The following DNAH6 variants were observed in gnomAD, a reference collection of about 807,000 sequenced individuals.
DNAH6 encodes axonemal beta dynein heavy chain 6.
Under a neutral mutation model 491.4 loss-of-function variants are expected in DNAH6, and 340 were observed. That is an observed-to-expected ratio of 0.69 (90% CI 0.63 to 0.76). The LOEUF is 0.76. DNAH6 is among the 30% of genes least tolerant of loss of function. The pLI, the probability that DNAH6 is intolerant of heterozygous loss-of-function variation, is 0.00. For synonymous variants in DNAH6, 1,603 were observed against 1,686.1 expected (o/e 0.95, Z 1.21); for missense variants, 4,443 against 4,972.2 (o/e 0.89, Z 3.20).
chr2:84,551,506 T>G (rs763743668), intron 9 of DNAH6, among the ~76,000 whole-genome samples: 6 of 152,240 alleles, frequency 3.9e-5, no homozygotes, highest in Non-Finnish European at 8.8e-5. Context: ...CCATGTGATA[T>G]TCTCACAAAG....
At position 84,762,792 on chromosome 2, in the gene DNAH6, T is replaced by A; in HGVS notation, c.10550T>A (p.Leu3517His). Residue 3517 changes from leucine to histidine, a missense_variant, in exon 64 of 77, where the codon CTT becomes CAT. Physicochemically the swap from Leu to His is moderately conservative, Grantham distance 99 (BLOSUM62 -3). Transcript: ENST00000389394. ...CTTACAGACTTTGTGATAGAAAATC[T>A]TGGAAAACAGTTTATAGAGACACCA... ...FALTDFVIEN[L>H]GKQFIETPPV... 6.4e-7 allele frequency: 1 copy of A among 1,550,984 alleles called. No homozygotes were observed. The highest frequency in any genetic ancestry group is 8.7e-7 in the Non-Finnish European group (1 of 1,146,686).
intron 21 of DNAH6, 74 bp from the exon 22 acceptor site, chr2:84,611,600 T>G (rs1686340749): frequency 1.6e-6 from 2 of 1,274,518 alleles, no homozygotes; most frequent in African/African-American, 3.0e-5. Flanking sequence ...ATTCCCTGTG[T>G]CATGATTTTT....
chr2:84,621,467 G>T lies in DNAH6; in HGVS notation c.3987G>T (p.Trp1329Cys). The change falls in exon 26 of 77, where the codon TGG becomes TGT. Residue 1329 changes from tryptophan to cysteine, a missense_variant. This residue lies in a region of DNAH6 where 2,977 missense variants were observed against 3,296.6 expected (regional missense o/e 0.90). Transcript: ENST00000389394. The part of the protein sequence containing the change: ...QVILTVSQIM[W>C]CRDLTECLET... ...TCCTGACTGTTTCTCAAATTATGTG[G>T]TGCCGTGATTTGACTGAATGTCTGG... 6.5e-7 allele frequency: 1 copy of T among 1,539,556 alleles called. No homozygotes were observed. Among genetic ancestry groups the T allele is most frequent in the East Asian group, 2.5e-5 (1 of 40,526 alleles).
At chr2:84,595,901 C>T (rs1391796917) in intron 18 of DNAH6, 112 bp downstream of exon 18, 3 of 1,148,100 alleles carry the variant, frequency 2.6e-6, no homozygotes, top group Non-Finnish European at 3.5e-6. Flanking sequence ...GCTTTGCAGA[C>T]AGAAAAAACA....
rs139411126 is a variant in DNAH6 at position 84,683,518 on chromosome 2, G to A, written c.6917-1808G>A. The stretch of plus-strand genomic sequence containing the variant: ...GCTCACTGCAACCTCCGCCTCCTGG[G>A]TTCAAGCGATTCTGTAGCCTCAGCC... On this transcript the variant is annotated intron_variant, in intron 42 of 76. Coordinates refer to ENST00000389394, the MANE Select transcript of DNAH6 (RefSeq NM_001370.2). 4.0e-3 allele frequency among the ~76,000 whole-genome samples: 602 copies of A among 148,932 alleles called. 3 individuals are homozygous for A. The highest frequency in any genetic ancestry group is 0.014 in the Middle Eastern group (4 of 280).
At chr2:84,556,478 C>T (rs1045753670) in intron 10 of DNAH6, among the ~76,000 whole-genome samples, 11 of 152,194 alleles carry the variant, frequency 7.2e-5, no homozygotes, top group African/African-American at 2.4e-4. Context: ...CTGATATACT[C>T]GACAAGCTCC....
chr2:84,624,436 A>G, intron 27 of DNAH6, 29 bp from the exon 28 acceptor site: 2 of 1,549,166 alleles, frequency 1.3e-6, no homozygotes, highest in African/African-American at 1.4e-5. Context: ...TTCTGAAATT[A>G]GTGTATCTAA....
At chr2:84,540,299 A>G (rs1678120293) in intron 4 of DNAH6, among the ~76,000 whole-genome samples, 1 of 152,166 alleles carries the variant, frequency 6.6e-6, no homozygotes, top group East Asian at 1.9e-4. Context: ...TGAAACAGGA[A>G]GAGAGTGCCA....
chr2:84,796,922 A>T (rs779295840), intron 69 of DNAH6, among the ~76,000 whole-genome samples: 3 of 152,168 alleles, frequency 2.0e-5, no homozygotes, highest in Non-Finnish European at 4.4e-5. Context: ...TTGAGTAAAA[A>T]CCAGATCTGT....
intron 29 of DNAH6, among the ~76,000 whole-genome samples, chr2:84,627,299 G>A (rs1687972907): frequency 6.6e-6 from 1 of 152,086 alleles, no homozygotes; most frequent in Admixed American, 6.6e-5. Context: ...TTTCAGTTTT[G>A]CGTCTTTCTT....
At position 84,638,767 on chromosome 2, in the gene DNAH6, T is replaced by G. The variant is rs147041487; in HGVS notation, c.4821+1390T>G. 2.4e-3 allele frequency among the ~76,000 whole-genome samples: 369 copies of G among 152,292 alleles called. 2 individuals carry two copies. The highest frequency in any genetic ancestry group is 8.6e-3 in the African/African-American group (356 of 41,578). ...AAAAGAGGTTTAATTGGCTCATGGTTCTGCAGGCTGTACAGGAAGTGTGGT... is the reference window on the plus strand; with the variant it reads ...AAAAGAGGTTTAATTGGCTCATGGTGCTGCAGGCTGTACAGGAAGTGTGGT... On this transcript the variant is annotated intron_variant, in intron 31 of 76. Transcript: ENST00000389394.
intron 34 of DNAH6, 101 bp downstream of exon 34, chr2:84,653,975 T>A: frequency 1.1e-6 from 1 of 925,164 alleles, no homozygotes; most frequent in Non-Finnish European, 1.6e-6. Context: ...ATCTATAATG[T>A]CTATTATTGT....
intron 45 of DNAH6, among the ~76,000 whole-genome samples, chr2:84,689,217 C>T (rs1236225391): frequency 6.6e-6 from 1 of 152,190 alleles, no homozygotes; most frequent in Non-Finnish European, 1.5e-5. Flanking sequence ...TTAAGGTACT[C>T]AGTGTGGGTA....
At chr2:84,695,450 A>G (rs1272171687) in intron 46 of DNAH6, among the ~76,000 whole-genome samples, 3 of 152,138 alleles carry the variant, frequency 2.0e-5, no homozygotes, top group Non-Finnish European at 2.9e-5. Context: ...AGTTGGCAAT[A>G]TGTAGGTAAA....
chr2:84,604,417 A>C lies in DNAH6; in HGVS notation c.2947A>C (p.Thr983Pro). 6.4e-7 allele frequency: 1 copy of C among 1,552,110 alleles called. No homozygotes were observed. Among genetic ancestry groups the C allele is most frequent in the Non-Finnish European group, 8.7e-7 (1 of 1,147,034 alleles). The change falls in exon 19 of 77, where the codon ACT becomes CCT. Residue 983 changes from threonine (T) to proline (P), a missense_variant. Thr to Pro is a conservative substitution (Grantham distance 38). Around this residue, in one of 3 missense-constraint regions of DNAH6, gnomAD observed 2,977 missense variants for 3,296.6 expected, o/e 0.90. Coordinates refer to ENST00000389394, the MANE Select transcript of DNAH6 (RefSeq NM_001370.2). ...WAAIEQTVDA[T>P]LVDAEIPLTL... ...AGCTATTGAACAAACAGTTGATGCC[A>C]CTCTAGTGGATGCTGAAATTCCATT...
chr2:84,756,747 A>C (rs1674063738), intron 63 of DNAH6, among the ~76,000 whole-genome samples: 1 of 152,172 alleles, frequency 6.6e-6, no homozygotes, highest in African/African-American at 2.4e-5. Context: ...CTCACCCATC[A>C]ATACCTTCAA....
intron 72 of DNAH6, among the ~76,000 whole-genome samples, chr2:84,811,825 C>T (rs1268322800): frequency 6.6e-6 from 1 of 150,594 alleles, no homozygotes; most frequent in African/African-American, 2.5e-5. Context: ...CATCCCACTG[C>T]ACTCCAGCCT....
intron 13 of DNAH6, among the ~76,000 whole-genome samples, chr2:84,579,066 C>A (rs937145671): frequency 5.9e-5 from 9 of 152,150 alleles, no homozygotes; most frequent in African/African-American, 1.4e-4. Flanking sequence ...CAGTCTCGGG[C>A]AGTTCTTTAT....
Position 84,819,582 on chromosome 2 carries a change from GT to G in DNAH6, c.*176del. The G allele has an allele frequency of 2.1e-6, 1 of 472,804 alleles. No homozygotes were observed. The highest frequency in any genetic ancestry group is 3.7e-6 in the Non-Finnish European group (1 of 268,004). 29.3% of individuals were successfully genotyped at this position (472,804 alleles called of 1,614,324 possible). A position where few individuals can be genotyped will look rare whatever the true frequency, so the allele number is the denominator to read the frequency against. On this transcript the variant is annotated 3_prime_UTR_variant, in exon 77 of 77. Coordinates refer to ENST00000389394, the MANE Select transcript of DNAH6 (RefSeq NM_001370.2). ...AAAATAAAGTGTTTGAGTTCTTTCTGTTGGCAATCCAAGCTCTGCTGTAGAA... is the reference window on the plus strand; with the variant it reads ...AAAATAAAGTGTTTGAGTTCTTTCTGTGGCAATCCAAGCTCTGCTGTAGAA...
Sources: allele counts gnomAD v4.1 joint callset (sites outside exome capture counted in the v4.1 genomes callset), GRCh38; gene constraint gnomAD v4.1.1; regional missense constraint gnomAD v4.1.1; transcripts MANE v1.5; gene names NCBI Gene and HGNC (gene_info 2026-07-23, HGNC 2026-07-21).